ASAH2: variants seen among roughly 807,000 people sequenced by gnomAD.
ASAH2 encodes neutral ceramidase.
Under a neutral mutation model 82.9 loss-of-function variants are expected in ASAH2, and 58 were observed. The observed-to-expected ratio is 0.70, with a 90% CI of 0.57 to 0.87. The LOEUF (loss-of-function observed/expected upper bound fraction) is 0.87. ASAH2 is among the 40% of genes least tolerant of loss of function. ASAH2 has a pLI of 0.00. For missense variants in ASAH2, 779 were observed against 834.0 expected (o/e 0.93, Z 0.81); for synonymous variants, 276 against 289.7 (o/e 0.95, Z 0.48).
chr10:50,193,256 AC>A (rs1844888839), intron 18 of ASAH2, among the ~76,000 whole-genome samples: 3 of 151,608 alleles, frequency 2.0e-5, no homozygotes, highest in African/African-American at 7.3e-5. Flanking sequence ...ACAAACAAGA[AC>A]CCTGTAATCC....
intron 5 of ASAH2, 104 bp downstream of exon 5, chr10:50,235,784 C>T: frequency 7.6e-7 from 1 of 1,317,634 alleles, no homozygotes; most frequent in Non-Finnish European, 1.1e-6. Flanking sequence ...TAATACTATG[C>T]TCAGACCCAA....
At chr10:50,240,422 ATT>A in intron 4 of ASAH2, 1 of 701,608 alleles carries the variant, frequency 1.4e-6, no homozygotes, top group Admixed American at 2.0e-5. Flanking sequence ...GAATCTGCTA[ATT>A]TTTGTCCTCA....
At chr10:50,250,736 T>C (rs1445576334) in intron 1 of ASAH2, among the ~76,000 whole-genome samples, 1 of 152,228 alleles carries the variant, frequency 6.6e-6, no homozygotes, top group Non-Finnish European at 1.5e-5. Context: ...TAGAAGCCTG[T>C]GTATCAAACA....
chr10:50,235,123 A>C (rs1846122749), intron 5 of ASAH2, among the ~76,000 whole-genome samples: 1 of 152,066 alleles, frequency 6.6e-6, no homozygotes, highest in Admixed American at 6.6e-5. Flanking sequence ...ATTTTTTAGC[A>C]TTTTTTATGT....
intron 18 of ASAH2, among the ~76,000 whole-genome samples, chr10:50,194,122 C>A (rs1446665606): frequency 6.6e-6 from 1 of 151,234 alleles, no homozygotes; most frequent in Non-Finnish European, 1.5e-5. Flanking sequence ...CTTTTGGATA[C>A]TTTTTCAGAA....
intron 7 of ASAH2, among the ~76,000 whole-genome samples, chr10:50,229,403 C>T (rs1328416871): frequency 6.6e-6 from 1 of 152,076 alleles, no homozygotes; most frequent in Admixed American, 6.6e-5. Context: ...AATTTTCTAA[C>T]AGATTTTTCT....
intron 13 of ASAH2, 49 bp from the exon 14 acceptor site, chr10:50,205,004 TG>T (rs2133202341): frequency 1.5e-6 from 2 of 1,320,856 alleles, no homozygotes; most frequent in East Asian, 2.3e-5. Context: ...ACTCTCTCTA[TG>T]GTCAACAGAC....
chr10:50,232,731 A>G (rs1044697064), intron 7 of ASAH2, among the ~76,000 whole-genome samples: 3 of 152,118 alleles, frequency 2.0e-5, no homozygotes, highest in Non-Finnish European at 2.9e-5. Context: ...ATTGTCCTGC[A>G]TTGGACTTAA....
intron 17 of ASAH2, among the ~76,000 whole-genome samples, chr10:50,197,665 C>T (rs1441223574): frequency 6.6e-6 from 1 of 151,770 alleles, no homozygotes; most frequent in Non-Finnish European, 1.5e-5. Flanking sequence ...TAGGCTTAGA[C>T]ATATTCAGTG....
At chr10:50,206,246 T>C in intron 12 of ASAH2, 149 bp from the exon 13 acceptor site, 2 of 690,274 alleles carry the variant, frequency 2.9e-6, no homozygotes, top group Non-Finnish European at 5.2e-6. Context: ...GTTTGAGTAA[T>C]AGAATAGGAA....
intron 7 of ASAH2, 81 bp downstream of exon 7, chr10:50,233,103 T>C: frequency 9.5e-7 from 1 of 1,048,172 alleles, no homozygotes; most frequent in South Asian, 1.3e-5. Flanking sequence ...TGTGTGCTGG[T>C]ACTATTCTAG....
chr10:50,210,967 A>G, intron 11 of ASAH2, 63 bp from the exon 12 acceptor site: 3 of 1,601,404 alleles, frequency 1.9e-6, no homozygotes, highest in Non-Finnish European at 2.6e-6. Context: ...CTGAAAGTAA[A>G]TAATGAGATC....
At chr10:50,236,489 T>C (rs1345240343) in intron 4 of ASAH2, among the ~76,000 whole-genome samples, 2 of 152,090 alleles carry the variant, frequency 1.3e-5, no homozygotes, top group Non-Finnish European at 2.9e-5. Context: ...ATGGGGATTA[T>C]GGTAACTAAA....
intron 3 of ASAH2, 28 bp from the exon 4 acceptor site, chr10:50,243,379 CTCTG>C: frequency 3.1e-6 from 5 of 1,609,018 alleles, no homozygotes; most frequent in Non-Finnish European, 4.2e-6. Flanking sequence ...ATCAGAGCTG[CTCTG>C]TCTCATTCCC....
At chr10:50,203,859 A>G (rs942978266) in intron 14 of ASAH2, among the ~76,000 whole-genome samples, 180 bp from the exon 15 acceptor site, 1 of 152,028 alleles carries the variant, frequency 6.6e-6, no homozygotes, top group Non-Finnish European at 1.5e-5. Flanking sequence ...CCTAGCTTCA[A>G]AATAAATCCT....
At chr10:50,203,789 T>C (rs988951325) in intron 14 of ASAH2, 110 bp from the exon 15 acceptor site, 11 of 885,010 alleles carry the variant, frequency 1.2e-5, no homozygotes, top group Non-Finnish European at 2.1e-5. Flanking sequence ...CACACAATAG[T>C]AAAATATGTA....
At chr10:50,221,627 T>TTTTG (rs1554907502) in intron 7 of ASAH2, among the ~76,000 whole-genome samples, 1 of 144,686 alleles carries the variant, frequency 6.9e-6, no homozygotes, top group Non-Finnish European at 1.5e-5. Flanking sequence ...TGAATTCAGG[T>TTTTG]TGTATGTGTG....
intron 7 of ASAH2, among the ~76,000 whole-genome samples, chr10:50,218,922 T>G (rs1845677461): frequency 6.6e-6 from 1 of 152,196 alleles, no homozygotes; most frequent in Admixed American, 6.6e-5. Flanking sequence ...CCTAAAGAAC[T>G]GTATATACAT....
chr10:50,213,156 A>G (rs1015586431), intron 9 of ASAH2, 98 bp from the exon 10 acceptor site: 1 of 1,129,236 alleles, frequency 8.9e-7, no homozygotes, highest in South Asian at 1.2e-5. Flanking sequence ...GATTTTTAAA[A>G]CCACATTCTT....
Sources: allele counts gnomAD v4.1 joint callset (sites outside exome capture counted in the v4.1 genomes callset), GRCh38; gene constraint gnomAD v4.1.1; transcripts MANE v1.5; gene names NCBI Gene and HGNC (gene_info 2026-07-23, HGNC 2026-07-21).